The following RIMBP2 variants were observed in gnomAD, a reference collection of about 807,000 sequenced individuals.
RIMBP2 encodes RIMS-binding protein 2.
A neutral mutation model predicts 118.6 loss-of-function variants in RIMBP2; 48 were observed. The observed-to-expected ratio is 0.40, with a 90% CI of 0.32 to 0.51. RIMBP2 has a LOEUF of 0.51. RIMBP2 is among the 20% of genes least tolerant of loss of function. The pLI, the probability that RIMBP2 is intolerant of heterozygous loss-of-function variation, is 0.41. For missense variants in RIMBP2, 1,551 were observed against 1,768.3 expected (o/e 0.88, Z 2.20); for synonymous variants, 762 against 742.9 (o/e 1.03, Z -0.42).
rs940975265 is a variant in RIMBP2, at chr12:130,422,767, A to G, written c.3130-206T>C. On this transcript the variant is annotated intron_variant, in intron 16 of 22. Transcript: ENST00000690449. The surrounding 1 kb of genome is among the most constrained non-coding windows in gnomAD (Gnocchi z 5.2). The stretch of plus-strand genomic sequence containing the variant: ...TCTACTCGGAGCCGCTGCTGGGCGC[A>G]TGGTGGGGTGAGGGCAAAAATAATT... Among the ~76,000 whole-genome samples the G allele has an allele frequency of 1.3e-5, 2 of 152,200 alleles. No homozygotes were observed. Among genetic ancestry groups the G allele is most frequent in the Non-Finnish European group, 2.9e-5 (2 of 68,032 alleles).
At chr12:130,398,076 A>C (rs1243622874) in intron 22 of RIMBP2, 1 of 152,640 alleles carries the variant, frequency 6.6e-6, no homozygotes, top group African/African-American at 2.4e-5. Context: ...CCTTAATTAT[A>C]ATCAAAGAAA....
chr12:130,486,958 CA>C (rs1329055709), intron 4 of RIMBP2, among the ~76,000 whole-genome samples: 5 of 152,298 alleles, frequency 3.3e-5, no homozygotes, highest in Middle Eastern at 3.4e-3. Flanking sequence ...GATTGCCCCA[CA>C]GCCATTCTCC....
At chr12:130,411,220 A>G (rs1338580649) in intron 19 of RIMBP2, among the ~76,000 whole-genome samples, 1 of 152,184 alleles carries the variant, frequency 6.6e-6, no homozygotes, top group East Asian at 1.9e-4. Flanking sequence ...GCTACACTCC[A>G]TTTGTTAGTT....
At position 130,424,201 on chromosome 12, in the gene RIMBP2, C is replaced by T. The variant is rs573975618; in HGVS notation, c.3070G>A (p.Asp1024Asn). Residue 1024 changes from aspartate to asparagine, a missense_variant, in exon 16 of 23, where the codon GAC becomes AAC. By Grantham distance (23) the Asp-to-Asn change is conservative (BLOSUM62 1). This residue lies in a region of RIMBP2 where 1,038 missense variants were observed against 1,125.1 expected (regional missense o/e 0.92). Transcript: ENST00000690449. This position sits in a 1 kb window ranked among gnomAD's most constrained non-coding sequence, Gnocchi z 9.8. Reference sequence around the variant, plus strand: ...GCGTGGGGGGCAGCTGCCCTACTGTCGGGCATGGTTATGCTTTTCTTCCAG... The same window carrying T: ...GCGTGGGGGGCAGCTGCCCTACTGTTGGGCATGGTTATGCTTTTCTTCCAG... ...GVWKKSITMP[D>N]SRAAAPHAKP... 1.1e-4 allele frequency: 131 copies of T among 1,231,956 alleles called. No homozygotes were observed. In the African/African-American group the frequency reaches 1.1e-3, roughly 10 times the overall value. 76.3% of individuals were successfully genotyped at this position (1,231,956 alleles called of 1,614,324 possible). A position where few individuals can be genotyped will look rare whatever the true frequency, so the allele number is the denominator to read the frequency against.
intron 2 of RIMBP2, among the ~76,000 whole-genome samples, chr12:130,569,958 C>T (rs182287987): frequency 1.3e-5 from 2 of 152,242 alleles, no homozygotes; most frequent in Non-Finnish European, 2.9e-5. Context: ...TCATTGGAAA[C>T]CTACCTTACT....
intron 21 of RIMBP2, among the ~76,000 whole-genome samples, chr12:130,401,521 T>C (rs768147407): frequency 6.6e-6 from 1 of 151,790 alleles, no homozygotes; most frequent in Non-Finnish European, 1.5e-5. Context: ...AGGTGCACAC[T>C]CACTGCCCTG....
At chr12:130,473,133 T>G (rs1165503831) in intron 5 of RIMBP2, among the ~76,000 whole-genome samples, 1 of 152,242 alleles carries the variant, frequency 6.6e-6, no homozygotes, top group Non-Finnish European at 1.5e-5. Flanking sequence ...ACAACTTCGC[T>G]TCCAGCTTCA....
chr12:130,429,494 C>T (rs545594409), intron 14 of RIMBP2: 73 of 151,676 alleles, frequency 4.8e-4, no homozygotes, highest in African/African-American at 1.7e-3. Context: ...TTCGACAACT[C>T]GAACTACACG....
Position 130,620,164 on chromosome 12 carries a change from G to A in RIMBP2, c.-217+8158C>T, listed in dbSNP as rs1241038082. Among the ~76,000 whole-genome samples the A allele has an allele frequency of 6.6e-6, 1 of 152,178 alleles. No homozygotes were observed. The highest frequency in any genetic ancestry group is 1.5e-5 in the Non-Finnish European group (1 of 68,030). The stretch of plus-strand genomic sequence containing the variant: ...GTGGTCTGCTGAGGGCAGTCATGGT[G>A]CCTCACCCTCTCCAGCCAAGGGATG... On this transcript the variant is annotated intron_variant, in intron 2 of 22. Coordinates refer to ENST00000690449, the MANE Select transcript of RIMBP2 (RefSeq NM_001393629.1). The surrounding 1 kb of genome is among the most constrained non-coding windows in gnomAD (Gnocchi z 5.3).
rs138575120 is a variant in RIMBP2 at position 130,497,264 on chromosome 12, G to C, written c.-4+9384C>G. On this transcript the variant is annotated intron_variant, in intron 4 of 22. Coordinates refer to ENST00000690449, the MANE Select transcript of RIMBP2 (RefSeq NM_001393629.1). ...TCTGGGTGGACATGACTGTGGGGAG[G>C]CTGATTGAATCTACCCCTCTGTCCA... Among the ~76,000 whole-genome samples, 656 of 152,270 alleles carry C rather than the reference G, an allele frequency of 4.3e-3. 1 individual carries two copies. The highest frequency in any genetic ancestry group is 0.014 in the Middle Eastern group (4 of 294).
chr12:130,551,185 C>A (rs2055744122), intron 2 of RIMBP2, among the ~76,000 whole-genome samples: 1 of 152,186 alleles, frequency 6.6e-6, no homozygotes, highest in South Asian at 2.1e-4. Flanking sequence ...GTGACTCCAG[C>A]AAGAGCCCCA....
chr12:130,714,858 T>C (rs1207672619), intron 1 of RIMBP2, among the ~76,000 whole-genome samples: 1 of 152,072 alleles, frequency 6.6e-6, no homozygotes, highest in Non-Finnish European at 1.5e-5. Flanking sequence ...AGTCTGAAGC[T>C]GATTCCCGGA....
chr12:130,453,393 A>C (rs149809175), intron 7 of RIMBP2, among the ~76,000 whole-genome samples: 2,918 of 152,368 alleles, frequency 0.019, 96 homozygotes, highest in African/African-American at 0.066. Context: ...TCTTGCGGCC[A>C]GCCCTGCACC....
chr12:130,445,266 G>A lies in RIMBP2; in HGVS notation c.585C>T (p.Tyr195=), dbSNP rs758219375. The A allele has an allele frequency of 5.8e-5, 93 of 1,610,094 alleles. No homozygotes were observed. The highest frequency in any genetic ancestry group is 7.8e-5 in the Non-Finnish European group (92 of 1,178,284). Residue 195 remains tyrosine (Y), a synonymous_variant, in exon 10 of 23, where the codon TAC becomes TAT. Transcript: ENST00000690449. ...KVHLCVARYS[Y]NPFDGPNENP... ...TCTCGTTCGGTCCATCGAAGGGGTT[G>A]TAACTGCAGAGAAAACACAGTTCCT...
chr12:130,407,583 T>C, intron 20 of RIMBP2, 143 bp downstream of exon 20: 2 of 755,196 alleles, frequency 2.6e-6, no homozygotes, highest in East Asian at 2.4e-5. Context: ...GTATCAGCCA[T>C]CCCTCGGATC....
At chr12:130,715,897 C>A (rs1950296405) in intron 1 of RIMBP2, among the ~76,000 whole-genome samples, 1 of 152,140 alleles carries the variant, frequency 6.6e-6, no homozygotes, top group South Asian at 2.1e-4. Flanking sequence ...TTCTTAAAAG[C>A]CTGGGGTGGG....
At chr12:130,693,510 C>A (rs1461466062) in intron 1 of RIMBP2, among the ~76,000 whole-genome samples, 3 of 152,152 alleles carry the variant, frequency 2.0e-5, no homozygotes, top group African/African-American at 7.2e-5. Flanking sequence ...CAATTGTGTG[C>A]AGAATCCACT....
intron 2 of RIMBP2, among the ~76,000 whole-genome samples, chr12:130,579,128 T>G (rs1249765783): frequency 6.6e-6 from 1 of 152,120 alleles, no homozygotes; most frequent in Non-Finnish European, 1.5e-5. Context: ...AGAAAAGAGC[T>G]CACACGGCAC....
intron 2 of RIMBP2, among the ~76,000 whole-genome samples, chr12:130,557,323 C>T (rs949322327): frequency 6.6e-6 from 1 of 152,134 alleles, no homozygotes; most frequent in Non-Finnish European, 1.5e-5. Context: ...CTTCAGCCCC[C>T]AACTGTCACG....
Sources: allele counts gnomAD v4.1 joint callset (sites outside exome capture counted in the v4.1 genomes callset), GRCh38; gene constraint gnomAD v4.1.1; regional missense constraint gnomAD v4.1.1; non-coding constraint Gnocchi (gnomAD v3.1); transcripts MANE v1.5; gene names NCBI Gene and HGNC (gene_info 2026-07-23, HGNC 2026-07-21).